The following DDX55 variants were observed in gnomAD, a reference collection of about 807,000 sequenced individuals.
DDX55 encodes ATP-dependent RNA helicase DDX55.
A neutral mutation model predicts 69.2 loss-of-function variants in DDX55; 56 were observed. The ratio of observed to expected loss-of-function variants is 0.81; its 90% CI spans 0.65 to 1.01. The LOEUF (loss-of-function observed/expected upper bound fraction) is 1.01. DDX55 is among the 50% of genes least tolerant of loss of function. The pLI is 0.00. For synonymous variants in DDX55, 268 were observed against 273.1 expected (o/e 0.98, Z 0.18); for missense variants, 720 against 745.1 (o/e 0.97, Z 0.39).
intron 9 of DDX55, among the ~76,000 whole-genome samples, chr12:123,615,722 C>A (rs570357556): frequency 6.6e-6 from 1 of 152,348 alleles, no homozygotes; most frequent in East Asian, 1.9e-4. Flanking sequence ...CGGTGGCTCA[C>A]GCCTGTAATC....
Position 123,610,079 on chromosome 12 carries a change from C to T in DDX55, c.692C>T (p.Ala231Val). ...GTCTCAGTGAAGGAGAAGGGCGTGGCAGCCAGCAGTGCCCAGAAGACCCCC... is the reference window on the plus strand; with the variant it reads ...GTCTCAGTGAAGGAGAAGGGCGTGGTAGCCAGCAGTGCCCAGAAGACCCCC... The part of the protein sequence containing the change: ...VRVSVKEKGV[A>V]ASSAQKTPSR... Residue 231 changes from alanine to valine, a missense_variant, in exon 7 of 14, where the codon GCA becomes GTA. By Grantham distance (64) the Ala-to-Val change is moderately conservative (BLOSUM62 0). Transcript: ENST00000238146. 1 of 1,614,200 alleles carries T rather than the reference C, an allele frequency of 6.2e-7. No individual in the cohort carries two copies. Among genetic ancestry groups the T allele is most frequent in the Admixed American group, 1.7e-5 (1 of 60,026 alleles).
chr12:123,610,145 G>T lies in DDX55; in HGVS notation c.741+17G>T. On this transcript the variant is annotated intron_variant, in intron 7 of 13. Coordinates refer to ENST00000238146, the MANE Select transcript of DDX55 (RefSeq NM_020936.3). ...TACTACATGGTAAGCGCCTGGGCTT[G>T]CTTCTTACTCAGCGATAATGACCAG... The T allele has an allele frequency of 6.2e-7, 1 of 1,605,662 alleles. No homozygotes were observed. Among genetic ancestry groups the T allele is most frequent in the Non-Finnish European group, 8.5e-7 (1 of 1,177,116 alleles).
chr12:123,616,797 GC>G, intron 10 of DDX55, 194 bp downstream of exon 10: 1 of 637,912 alleles, frequency 1.6e-6, no homozygotes, highest in Admixed American at 2.7e-5. Flanking sequence ...TTGAGGCCTT[GC>G]CGTGCTCCAT....
At chr12:123,603,171 G>C (rs1953671656) in intron 1 of DDX55, among the ~76,000 whole-genome samples, 1 of 152,090 alleles carries the variant, frequency 6.6e-6, no homozygotes, top group Non-Finnish European at 1.5e-5. Flanking sequence ...TTTAGGAAGG[G>C]AAGGGCTGTG....
rs925083409 is a variant in DDX55 at position 123,609,971 on chromosome 12, A to G, written c.584A>G (p.Gln195Arg). The change falls in exon 7 of 14, where the codon CAG (glutamine) becomes CGG (arginine). Residue 195 changes from glutamine (Q) to arginine (R), a missense_variant. Physicochemically the swap from Gln to Arg is conservative, Grantham distance 43 (BLOSUM62 1). Coordinates refer to ENST00000238146, the MANE Select transcript of DDX55 (RefSeq NM_020936.3). ...INTILEFLPKQRRTGLFSATQ... is the reference protein window; with the variant it reads ...INTILEFLPKRRRTGLFSATQ... ...ACCATTCTGGAGTTTTTGCCAAAGC[A>G]GAGGAGAACAGGCCTTTTCTCTGCC... 10 of 1,613,954 alleles carry G rather than the reference A, an allele frequency of 6.2e-6. No individual in the cohort carries two copies. Among genetic ancestry groups the G allele is most frequent in the Non-Finnish European group, 8.5e-6 (10 of 1,180,038 alleles).
chr12:123,610,885 C>T (rs533620296), intron 7 of DDX55, among the ~76,000 whole-genome samples: 77 of 137,636 alleles, frequency 5.6e-4, no homozygotes, highest in African/African-American at 2.1e-3. Context: ...CCACCGCGCC[C>T]GGCCGTTTTT....
At position 123,618,792 on chromosome 12, in the gene DDX55, C is replaced by T. The variant is rs370933350; in HGVS notation, c.1288C>T (p.Gln430Ter). Residue 430 changes from glutamine (Q) to a stop codon, truncating the protein, a stop_gained, in exon 12 of 14, where the codon CAA becomes TAA. Transcript: ENST00000238146. LOFTEE classifies it high-confidence loss of function. ...CATGAAAGCTTTTGTGTCATATGTC[C>T]AAGCTTATGCAAAGCATGAATGCAA... ...KGMKAFVSYVQAYAKHECNLI... is the reference protein window; with the variant it reads ...KGMKAFVSYV 5.0e-6 allele frequency: 8 copies of T among 1,614,062 alleles called. No homozygotes were observed. The African/African-American group carries it at 1.1e-4, about 22-fold the overall frequency.
rs1242083356 is a variant in DDX55 at position 123,620,054 on chromosome 12, G to T, written c.1717G>T (p.Glu573Ter). The T allele has an allele frequency of 1.2e-6, 2 of 1,614,150 alleles. No individual in the cohort carries two copies. The highest frequency in any genetic ancestry group is 2.2e-5 in the East Asian group (1 of 44,872). The change falls in exon 14 of 14, where the codon GAA (glutamate) becomes TAA (stop). Residue 573 changes from glutamate (E) to a stop codon, truncating the protein, a stop_gained. Coordinates refer to ENST00000238146, the MANE Select transcript of DDX55 (RefSeq NM_020936.3). LOFTEE classifies it high-confidence loss of function. ...TAAGAAAGGCAAAATAACTGAAGAAGAATTTGAGAAGGGCTTGTTGACAAC... is the reference window on the plus strand; with the variant it reads ...TAAGAAAGGCAAAATAACTGAAGAATAATTTGAGAAGGGCTTGTTGACAAC... ...KLKKGKITEE[E>*]FEKGLLTTGK...
At chr12:123,604,653 A>C (rs1388355065) in intron 1 of DDX55, among the ~76,000 whole-genome samples, 1 of 152,028 alleles carries the variant, frequency 6.6e-6, no homozygotes, top group Non-Finnish European at 1.5e-5. Flanking sequence ...ATCAAATAAC[A>C]CACTAGATTT....
chr12:123,618,330 G>A (rs533419833), intron 11 of DDX55: 1 of 584,408 alleles, frequency 1.7e-6, no homozygotes, highest in Admixed American at 1.9e-5. Context: ...GGGCTTTAAG[G>A]CTGTGGAGGC....
rs1301267866 is a variant in DDX55 at position 123,618,494 on chromosome 12, T to A, written c.1165-175T>A. 6 of 1,530,496 alleles carry A rather than the reference T, an allele frequency of 3.9e-6. No individual in the cohort carries two copies. The African/African-American group carries it at 6.9e-5, about 18-fold the overall frequency. The allele number at this position is 1,530,496 out of a possible 1,614,324, so 94.8% of individuals were successfully genotyped here. On this transcript the variant is annotated intron_variant, in intron 11 of 13. Transcript: ENST00000238146. Reference sequence around the variant, plus strand: ...GAAATCTGATTTTTAAATTTTCTTTTAAAAATTTAACATACTTTACAGAGC... The same window carrying A: ...GAAATCTGATTTTTAAATTTTCTTTAAAAAATTTAACATACTTTACAGAGC...
intron 11 of DDX55, chr12:123,618,357 G>A: frequency 1.5e-6 from 1 of 662,836 alleles, no homozygotes; most frequent in Non-Finnish European, 2.7e-6. Context: ...GTCATGGAGT[G>A]ACCAAGTCTC....
At chr12:123,605,628 C>T (rs1434140121) in intron 1 of DDX55, 2 of 471,686 alleles carry the variant, frequency 4.2e-6, no homozygotes, top group Non-Finnish European at 7.8e-6. Flanking sequence ...GATACTAGAG[C>T]TGGAAGGGAC....
rs904253088 is a variant in DDX55 at position 123,620,340 on chromosome 12, C to T, written c.*200C>T. On this transcript the variant is annotated 3_prime_UTR_variant, in exon 14 of 14. Transcript: ENST00000238146. Reference sequence around the variant, plus strand: ...TTACTAAAAACATTCCAGTCTTGGCCGGGTGCGGTGGCTCCTGCCTATAAT... The same window carrying T: ...TTACTAAAAACATTCCAGTCTTGGCTGGGTGCGGTGGCTCCTGCCTATAAT... 6 of 487,424 alleles carry T rather than the reference C, an allele frequency of 1.2e-5. No homozygotes were observed. The highest frequency in any genetic ancestry group is 4.2e-5 in the South Asian group (1 of 23,986). The allele number at this position is 487,424 out of a possible 1,614,324, so 30.2% of individuals were successfully genotyped here.
rs68169681 is a variant in DDX55, at chr12:123,620,580, T to TTATATATATATATATA, written c.*473_*488dup. 3.1e-5 allele frequency: 2 copies of TTATATATATATATATA among 65,356 alleles called. No homozygotes were observed. The highest frequency in any genetic ancestry group is 1.9e-4 in the Admixed American group (1 of 5,140). 4.0% of individuals were successfully genotyped at this position (65,356 alleles called of 1,614,324 possible). A position where few individuals can be genotyped will look rare whatever the true frequency, so the allele number is the denominator to read the frequency against. On this transcript the variant is annotated 3_prime_UTR_variant, in exon 14 of 14. Transcript: ENST00000238146. ...GGTCACATATAGACATATGTACATA[T>TTATATATATATATATA]TATATATATATATATATATATATAT...
intron 11 of DDX55, chr12:123,618,294 G>GA: frequency 2.0e-6 from 1 of 512,090 alleles, no homozygotes; most frequent in South Asian, 1.5e-5. Context: ...TGACAGGCGT[G>GA]AGCCACCGTG....
At chr12:123,612,235 C>T (rs146708497) in intron 7 of DDX55, among the ~76,000 whole-genome samples, 23 of 152,250 alleles carry the variant, frequency 1.5e-4, no homozygotes, top group African/African-American at 5.1e-4. Context: ...AGCCAAAAAA[C>T]ACTTCGGGTC....
intron 9 of DDX55, among the ~76,000 whole-genome samples, chr12:123,615,556 C>T (rs1452949253): frequency 6.6e-6 from 1 of 152,206 alleles, no homozygotes; most frequent in Admixed American, 6.5e-5. Flanking sequence ...CTGTGCTAGA[C>T]AGCAGGCTCC....
chr12:123,606,255 G>T (rs3850952), intron 3 of DDX55, 96 bp downstream of exon 3: 424,938 of 1,454,830 alleles, frequency 0.29, 64,858 homozygotes, highest in South Asian at 0.39. Context: ...TAGGCCAGAA[G>T]CCGTGGCTCA....
Sources: gnomAD v4.1 joint callset for allele counts (sites outside exome capture counted in the v4.1 genomes callset) on GRCh38, gnomAD v4.1.1 for gene constraint, MANE v1.5 for transcripts, NCBI Gene and HGNC (gene_info 2026-07-23, HGNC 2026-07-21) for gene names.